The following RBM39 variants were observed in gnomAD, a reference collection of about 807,000 sequenced individuals.
RBM39 encodes RNA-binding protein 39.
In RBM39, 12 loss-of-function variants were observed where a neutral mutation model predicts 79.6. That is an observed-to-expected ratio of 0.15 (90% CI 0.10 to 0.24). RBM39 has a LOEUF of 0.24. RBM39 is among the 10% of genes least tolerant of loss of function. The pLI is 1.00. For synonymous variants in RBM39, 185 were observed against 208.4 expected (o/e 0.89, Z 0.97); for missense variants, 243 against 653.4 (o/e 0.37, Z 6.85).
Position 35,707,807 on chromosome 20 carries a change from G to A in RBM39, c.1226-606C>T, listed in dbSNP as rs190034884. On this transcript the variant is annotated intron_variant, in intron 13 of 16. Coordinates refer to ENST00000253363, the MANE Select transcript of RBM39 (RefSeq NM_184234.3). ...CAATAAAAGAACACTGAAAAGAGCA[G>A]CATATATGTGTAATATCCACTACTA... 5 of 409,436 alleles carry A rather than the reference G, an allele frequency of 1.2e-5. No individual in the cohort carries two copies. In the East Asian group the frequency reaches 4.4e-4, roughly 36 times the overall value. 25.4% of individuals were successfully genotyped at this position (409,436 alleles called of 1,614,324 possible). A position where few individuals can be genotyped will look rare whatever the true frequency, so the allele number is the denominator to read the frequency against.
chr20:35,717,740 A>G (rs892124404), intron 9 of RBM39, among the ~76,000 whole-genome samples: 4 of 152,208 alleles, frequency 2.6e-5, no homozygotes, highest in Non-Finnish European at 5.9e-5. Flanking sequence ...CTGTAATCCG[A>G]GCACTTTGGG....
chr20:35,733,862 T>C (rs1301357123), intron 3 of RBM39, among the ~76,000 whole-genome samples: 1 of 152,206 alleles, frequency 6.6e-6, no homozygotes, highest in African/African-American at 2.4e-5. Flanking sequence ...CTCACTTCCG[T>C]AGTCTTCACA....
intron 3 of RBM39, chr20:35,734,311 A>G (rs184280878): frequency 9.6e-7 from 1 of 1,039,750 alleles, no homozygotes; most frequent in Admixed American, 2.4e-5. Flanking sequence ...GCTAGGTAGC[A>G]CATGACAGAA....
chr20:35,720,282 A>G (rs951526319), intron 9 of RBM39, among the ~76,000 whole-genome samples: 4 of 152,186 alleles, frequency 2.6e-5, no homozygotes, highest in African/African-American at 9.7e-5. Context: ...CCTCTAGAAC[A>G]AAAGCCAAGC....
In RBM39 at chr20:35,722,428, A is replaced by T. The variant is rs1446251711; in HGVS notation, c.688-551T>A. On this transcript the variant is annotated intron_variant, in intron 8 of 16. Transcript: ENST00000253363. The stretch of plus-strand genomic sequence containing the variant: ...TCTCAAAAAAAATAAAAATAAAAAA[A>T]AAAATAAAAATAAAAAGTTTATTTA... 4.3e-5 allele frequency among the ~76,000 whole-genome samples: 5 copies of T among 115,034 alleles called. No homozygotes were observed. In the East Asian group the frequency reaches 6.7e-4, roughly 16 times the overall value. 75.5% of individuals were successfully genotyped at this position (115,034 alleles called of 152,430 possible).
chr20:35,714,037 A>ATCTATAAAATAATATGCAGTG (rs1445965392), intron 11 of RBM39, 148 bp downstream of exon 11: 1 of 711,280 alleles, frequency 1.4e-6, no homozygotes, highest in African/African-American at 1.8e-5. Context: ...AAGGCACATC[A>ATCTATAAAATAATATGCAGTG]TCTATAAAAT....
rs1345286225 is a variant in RBM39, at chr20:35,704,272, G to T, written c.*209C>A. 1 of 404,100 alleles carries T rather than the reference G, an allele frequency of 2.5e-6. No homozygotes were observed. The highest frequency in any genetic ancestry group is 4.5e-6 in the Non-Finnish European group (1 of 223,906). The allele number at this position is 404,100 out of a possible 1,614,324, so 25.0% of individuals were successfully genotyped here. A position where few individuals can be genotyped will look rare whatever the true frequency, so the allele number is the denominator to read the frequency against. On this transcript the variant is annotated 3_prime_UTR_variant, in exon 17 of 17. Transcript: ENST00000253363. Reference sequence around the variant, plus strand: ...GAACATTTTAAAAGGCAGAACAAGAGAACAGTTTTGTATACAGTGGGATTT... The same window carrying T: ...GAACATTTTAAAAGGCAGAACAAGATAACAGTTTTGTATACAGTGGGATTT...
intron 3 of RBM39, among the ~76,000 whole-genome samples, chr20:35,733,336 G>A (rs963446131): frequency 2.0e-5 from 3 of 147,852 alleles, no homozygotes; most frequent in Middle Eastern, 3.9e-3. Context: ...CTCCAAGTGC[G>A]GTGGCTCACA....
At chr20:35,717,297 C>CAA (rs76113078) in intron 9 of RBM39, among the ~76,000 whole-genome samples, 1 of 117,034 alleles carries the variant, frequency 8.5e-6, no homozygotes, top group African/African-American at 3.2e-5. Flanking sequence ...AAAACAAAAA[C>CAA]AAAAAAAAAA....
intron 6 of RBM39, among the ~76,000 whole-genome samples, chr20:35,727,896 G>A (rs1416721202): frequency 6.6e-6 from 1 of 152,052 alleles, no homozygotes; most frequent in Non-Finnish European, 1.5e-5. Flanking sequence ...TGATCCGCCT[G>A]CCTCGGCCTT....
At chr20:35,716,693 T>TA in intron 10 of RBM39, 47 bp downstream of exon 10, 2 of 1,198,058 alleles carry the variant, frequency 1.7e-6, no homozygotes, top group Non-Finnish European at 2.4e-6. Flanking sequence ...CAAATGTAGT[T>TA]TAAAAAAAAA....
chr20:35,729,548 TAC>T lies in RBM39; in HGVS notation c.297-23_297-22del, dbSNP rs556455788. 89 of 1,607,964 alleles carry T rather than the reference TAC, an allele frequency of 5.5e-5. No homozygotes were observed. In the African/African-American group the frequency reaches 1.1e-3, roughly 19 times the overall value. On this transcript the variant is annotated intron_variant, in intron 4 of 16. Coordinates refer to ENST00000253363, the MANE Select transcript of RBM39 (RefSeq NM_184234.3). ...CGGAGCTAAAAAGGAAACACAAAATTACACTAGTTACAGGTTTAGGGTCTTGC... is the reference window on the plus strand; with the variant it reads ...CGGAGCTAAAAAGGAAACACAAAATTACTAGTTACAGGTTTAGGGTCTTGC...
At position 35,713,102 on chromosome 20, in the gene RBM39, AAAG is replaced by A; in HGVS notation, c.1097-9_1097-7del. On this transcript the variant is annotated splice_region_variant and splice_polypyrimidine_tract_variant and intron_variant, in intron 11 of 16. Coordinates refer to ENST00000253363, the MANE Select transcript of RBM39 (RefSeq NM_184234.3). ...CGGAATCTGCAAACCTGTACCTGTA[AAAG>A]AATAGTCTTAAAGTTCCTACTATGT... 2 of 1,612,070 alleles carry A rather than the reference AAAG, an allele frequency of 1.2e-6. No homozygotes were observed. Among genetic ancestry groups the A allele is most frequent in the South Asian group, 1.1e-5 (1 of 90,876 alleles).
In RBM39 at chr20:35,702,982, T is replaced by C. The variant is rs1346872223; in HGVS notation, c.*1499A>G. On this transcript the variant is annotated 3_prime_UTR_variant, in exon 17 of 17. Coordinates refer to ENST00000253363, the MANE Select transcript of RBM39 (RefSeq NM_184234.3). Reference sequence around the variant, plus strand: ...ACTAGAACAATTATTGGGATAAATGTCAAACAAAACGACTGATATGAAATT... The same window carrying C: ...ACTAGAACAATTATTGGGATAAATGCCAAACAAAACGACTGATATGAAATT... 1 of 151,928 alleles carries C rather than the reference T, an allele frequency of 6.6e-6. No individual in the cohort carries two copies. The highest frequency in any genetic ancestry group is 1.5e-5 in the Non-Finnish European group (1 of 67,964). 9.4% of individuals were successfully genotyped at this position (151,928 alleles called of 1,614,324 possible).
intron 3 of RBM39, among the ~76,000 whole-genome samples, chr20:35,736,109 T>C (rs1180260871): frequency 1.5e-5 from 1 of 66,476 alleles, no homozygotes; most frequent in East Asian, 6.2e-4. Flanking sequence ...CCACTCGGCC[T>C]GACACCTAAA....
At chr20:35,728,300 C>T (rs920964134) in intron 6 of RBM39, among the ~76,000 whole-genome samples, 1 of 152,160 alleles carries the variant, frequency 6.6e-6, no homozygotes, top group African/African-American at 2.4e-5. Flanking sequence ...TTTGATATAA[C>T]TGCTACGTTG....
intron 3 of RBM39, chr20:35,735,210 G>A: frequency 7.8e-7 from 1 of 1,283,978 alleles, no homozygotes; most frequent in East Asian, 2.8e-5. Flanking sequence ...TCTCTAAAGA[G>A]CTTAACGGAA....
intron 8 of RBM39, among the ~76,000 whole-genome samples, chr20:35,722,790 C>T (rs1302089461): frequency 6.6e-6 from 1 of 151,670 alleles, no homozygotes; most frequent in Non-Finnish European, 1.5e-5. Flanking sequence ...AAAAATTAGC[C>T]GGGCGTGGTG....
intron 8 of RBM39, among the ~76,000 whole-genome samples, chr20:35,723,583 T>A (rs1421545233): frequency 1.3e-5 from 2 of 152,138 alleles, no homozygotes; most frequent in African/African-American, 4.8e-5. Flanking sequence ...GGATTACAAG[T>A]GCCTGACACC....
Sources: gnomAD v4.1 joint callset for allele counts (sites outside exome capture counted in the v4.1 genomes callset) on GRCh38, gnomAD v4.1.1 for gene constraint, MANE v1.5 for transcripts, NCBI Gene and HGNC (gene_info 2026-07-23, HGNC 2026-07-21) for gene names.